Variants in MSI2 observed in about 807,000 individuals in gnomAD.
The protein encoded by MSI2 is RNA-binding protein Musashi homolog 2.
MSI2 carries 17 observed loss-of-function variants against 45.6 expected under a neutral mutation model. The observed-to-expected ratio is 0.37, with a 90% CI of 0.26 to 0.56. The LOEUF is 0.56. Among genes scored for constraint, MSI2 ranks in the 20% least tolerant of loss-of-function variants. The pLI is 0.77. For missense variants in MSI2, 293 were observed against 444.2 expected, an observed-to-expected ratio of 0.66 and a Z score of 3.06; for synonymous variants, 156 against 158.2, an observed-to-expected ratio of 0.99 and a Z score of 0.11.
At chr17:57,665,111 C>A (rs561786335) in intron 11 of MSI2, among the ~76,000 whole-genome samples, 1 of 152,324 alleles carries the variant, frequency 6.6e-6, no homozygotes, top group East Asian at 1.9e-4. Context: ...GGATCTCTAG[C>A]CTGCTGCTGT....
At chr17:57,423,015 A>G (rs1448562564) in intron 6 of MSI2, among the ~76,000 whole-genome samples, 11 of 152,104 alleles carry the variant, frequency 7.2e-5, no homozygotes. Context: ...GCAGCCTTCT[A>G]TGAGGAACTA....
chr17:57,563,709 C>CTG (rs1444344584), intron 7 of MSI2, among the ~76,000 whole-genome samples: 322 of 150,618 alleles, frequency 2.1e-3, no homozygotes, highest in African/African-American at 7.4e-3. Context: ...GTCTGTCTGT[C>CTG]TCTCTCTCTC....
At position 57,406,463 on chromosome 17, in the gene MSI2, C is replaced by G. The variant is rs151128565; in HGVS notation, c.405+4992C>G. Among the ~76,000 whole-genome samples the G allele has an allele frequency of 1.5e-3, 224 of 152,312 alleles. 2 individuals carry two copies. The highest frequency in any genetic ancestry group is 5.2e-3 in the African/African-American group (216 of 41,558). On this transcript the variant is annotated intron_variant, in intron 6 of 13. Transcript: ENST00000284073. ...TTTAAACTTAATGAATTCTCCGCTT[C>G]GTCCCGGATGGAGCCGTTCCGCACC... is the stretch of plus-strand genomic sequence containing the variant.
intron 3 of MSI2, 90 bp from the exon 4 acceptor site, chr17:57,258,180 C>A: frequency 8.8e-7 from 1 of 1,141,380 alleles, no homozygotes; most frequent in Non-Finnish European, 1.3e-6. Flanking sequence ...GCAACTTTTG[C>A]TCCTCATTCA....
intron 5 of MSI2, among the ~76,000 whole-genome samples, chr17:57,347,991 A>G (rs1342290360): frequency 1.3e-5 from 2 of 152,208 alleles, no homozygotes; most frequent in Non-Finnish European, 2.9e-5. Flanking sequence ...GGTCATTTGC[A>G]CAGTTGTGTG....
At chr17:57,669,988 T>C (rs1053688648) in intron 11 of MSI2, among the ~76,000 whole-genome samples, 6 of 152,150 alleles carry the variant, frequency 3.9e-5, no homozygotes, top group Non-Finnish European at 7.4e-5. Flanking sequence ...TTTGCGGAAA[T>C]GTGAGACCCA....
chr17:57,697,134 C>T, the MSI2 span, among the ~76,000 whole-genome samples: 343 of 26,078 alleles, frequency 0.013, no homozygotes, highest in African/African-American at 0.041. Flanking sequence ...TCTTCATCCT[C>T]GCCAGCAGGA....
At chr17:57,647,817 T>C (rs530189217) in intron 10 of MSI2, among the ~76,000 whole-genome samples, 54 of 151,762 alleles carry the variant, frequency 3.6e-4, no homozygotes, top group Admixed American at 1.2e-3. Context: ...AATTTTTGTA[T>C]TTTTAGTAGA....
At chr17:57,605,278 G>C (rs938989084) in intron 8 of MSI2, among the ~76,000 whole-genome samples, 4 of 152,214 alleles carry the variant, frequency 2.6e-5, no homozygotes, top group Non-Finnish European at 5.9e-5. Context: ...AGAGTGATTA[G>C]TGTGTTGGGG....
chr17:57,380,509 A>C (rs190477558), intron 5 of MSI2, among the ~76,000 whole-genome samples: 1 of 152,320 alleles, frequency 6.6e-6, no homozygotes, highest in East Asian at 1.9e-4. Context: ...GCCTCCTAAC[A>C]GGGAGAGTGA....
upstream of MSI2, chr17:57,256,500 CG>C (rs1257988682): frequency 9.2e-5 from 13 of 141,860 alleles, no homozygotes; most frequent in African/African-American, 5.1e-4. Context: ...GGGGATGGGC[CG>C]GGGGGGCGGG....
intron 6 of MSI2, among the ~76,000 whole-genome samples, chr17:57,447,403 T>C (rs561943970): frequency 1.3e-5 from 2 of 152,218 alleles, no homozygotes; most frequent in Non-Finnish European, 2.9e-5. Context: ...TGTGCCCAGC[T>C]TAAGTTTTAC....
At chr17:57,668,606 G>T (rs1462786559) in intron 11 of MSI2, among the ~76,000 whole-genome samples, 1 of 80,572 alleles carries the variant, frequency 1.2e-5, no homozygotes, top group Admixed American at 1.3e-4. Context: ...TGTCAGCCCA[G>T]TGCATGCACA....
chr17:57,417,556 C>T (rs529637305), intron 6 of MSI2, among the ~76,000 whole-genome samples: 39 of 152,268 alleles, frequency 2.6e-4, no homozygotes, highest in African/African-American at 7.9e-4. Context: ...ACCCCTCAAC[C>T]CCCAAGAAGC....
rs183534338 is a variant in MSI2, at chr17:57,382,232, A to G, written c.313-19147A>G. Among the ~76,000 whole-genome samples the G allele has an allele frequency of 1.6e-3, 249 of 152,356 alleles. 1 individual carries two copies. The highest frequency in any genetic ancestry group is 6.8e-3 in the Middle Eastern group (2 of 294). On this transcript the variant is annotated intron_variant, in intron 5 of 13. Transcript: ENST00000284073. ...GACAAAACAGACAAAATTCCTGACC[A>G]GAAAGCTTACTTTCTGGTAGGAGGG...
chr17:57,545,525 A>G (rs2087145526), intron 7 of MSI2, among the ~76,000 whole-genome samples: 1 of 150,282 alleles, frequency 6.7e-6, no homozygotes, highest in South Asian at 2.1e-4. Context: ...CCAAAGATGG[A>G]AACTTCTGTG....
chr17:57,474,431 G>A (rs1018432927), intron 6 of MSI2, among the ~76,000 whole-genome samples: 5 of 152,156 alleles, frequency 3.3e-5, no homozygotes, highest in African/African-American at 1.2e-4. Flanking sequence ...TGACGTTGGG[G>A]GCCAGATGAT....
At chr17:57,493,993 G>A (rs1341157348) in intron 6 of MSI2, among the ~76,000 whole-genome samples, 5 of 152,118 alleles carry the variant, frequency 3.3e-5, no homozygotes, top group African/African-American at 7.2e-5. Context: ...TACCTGCTAC[G>A]GACAGAGTGC....
chr17:57,573,954 G>A (rs888117), intron 7 of MSI2, among the ~76,000 whole-genome samples: 44,093 of 152,148 alleles, frequency 0.29, 7,375 homozygotes, highest in African/African-American at 0.47. Context: ...AGCCAAGTAC[G>A]TGGTGGTGGT....
Sources: gnomAD v4.1 joint callset for allele counts (sites outside exome capture counted in the v4.1 genomes callset) on GRCh38, gnomAD v4.1.1 for gene constraint, MANE v1.5 for transcripts, NCBI Gene and HGNC (gene_info 2026-07-23, HGNC 2026-07-21) for gene names.